The following NAXD variants were observed in gnomAD, a reference collection of about 807,000 sequenced individuals.
The protein encoded by NAXD is ATP-dependent (S)-NAD(P)H-hydrate dehydratase.
In NAXD, 22 loss-of-function variants were observed where a neutral mutation model predicts 35.8. The ratio of observed to expected loss-of-function variants is 0.62; its 90% CI spans 0.44 to 0.88. The LOEUF (loss-of-function observed/expected upper bound fraction) is 0.88, where lower values mean the gene tolerates loss of function less well. Ranked by LOEUF, NAXD falls within the 40% of genes least tolerant of loss-of-function variation. NAXD has a pLI of 0.00. For missense variants in NAXD, 428 were observed against 437.7 expected (o/e 0.98, Z 0.20); for synonymous variants, 189 against 177.6 (o/e 1.06, Z -0.51).
chr13:110,637,259 C>T lies in NAXD; in HGVS notation c.839+10C>T, dbSNP rs764265790. ...CACAGAAAACAAATGGGTAAGGCCA[C>T]GTCTTCATTTATTCTACTTTGAAAC... On this transcript the variant is annotated intron_variant, in intron 9 of 9. Transcript: ENST00000680254. The T allele has an allele frequency of 1.9e-5, 30 of 1,613,568 alleles. No individual in the cohort carries two copies. Among genetic ancestry groups the T allele is most frequent in the South Asian group, 1.1e-4 (10 of 91,030 alleles).
chr13:110,626,945 A>G (rs1169651380), intron 4 of NAXD, among the ~76,000 whole-genome samples: 1 of 152,372 alleles, frequency 6.6e-6, no homozygotes, highest in East Asian at 1.9e-4. Context: ...ACAGCCACAC[A>G]TGTATGTGAT....
chr13:110,620,077 C>T (rs1486878197), intron 1 of NAXD, among the ~76,000 whole-genome samples: 4 of 151,796 alleles, frequency 2.6e-5, no homozygotes, highest in African/African-American at 4.8e-5. Flanking sequence ...GAGATTACAG[C>T]GGGGAGCCAC....
At chr13:110,637,873 A>C (rs9588214) in intron 9 of NAXD, 19 of 480,206 alleles carry the variant, frequency 4.0e-5, no homozygotes, top group Non-Finnish European at 6.6e-5. Flanking sequence ...GTCTGGGACC[A>C]TCCCCCAAAC....
chr13:110,621,936 A>G (rs1233266597), intron 1 of NAXD, among the ~76,000 whole-genome samples: 1 of 152,012 alleles, frequency 6.6e-6, no homozygotes, highest in Non-Finnish European at 1.5e-5. Context: ...AGGCTGAGGC[A>G]GGAGAATTGC....
intron 1 of NAXD, among the ~76,000 whole-genome samples, chr13:110,617,762 T>A (rs1886114843): frequency 6.6e-6 from 1 of 152,252 alleles, no homozygotes; most frequent in African/African-American, 2.4e-5. Flanking sequence ...GTGGCCTGGC[T>A]TGTCCATTAC....
chr13:110,626,009 C>G (rs1016182271), intron 4 of NAXD, among the ~76,000 whole-genome samples: 5 of 152,122 alleles, frequency 3.3e-5, no homozygotes, highest in Admixed American at 6.6e-5. Flanking sequence ...CGAGCCCGGC[C>G]TCTCCACACC....
intron 4 of NAXD, among the ~76,000 whole-genome samples, chr13:110,627,182 G>T (rs541278260): frequency 6.6e-6 from 1 of 152,186 alleles, no homozygotes; most frequent in Non-Finnish European, 1.5e-5. Context: ...GTGGTTTAAT[G>T]AATAGTATTA....
chr13:110,635,690 TCA>T, intron 8 of NAXD, 102 bp downstream of exon 8: 5 of 1,241,066 alleles, frequency 4.0e-6, no homozygotes, highest in South Asian at 1.4e-5. Context: ...ACACCCGTGT[TCA>T]CACACATTCA....
chr13:110,638,538 G>A lies in NAXD; in HGVS notation c.*10G>A. ...GCTCTTTGAAACCTGAGCCCGCGCA[G>A]ACCAGAAGTAAACAGGCACCTTGGA... On this transcript the variant is annotated 3_prime_UTR_variant, in exon 10 of 10. Transcript: ENST00000680254. This position sits in a 1 kb window ranked among gnomAD's most constrained non-coding sequence, Gnocchi z 5.4. 1.9e-6 allele frequency: 3 copies of A among 1,611,302 alleles called. No individual in the cohort carries two copies. Among genetic ancestry groups the A allele is most frequent in the Non-Finnish European group, 2.5e-6 (3 of 1,178,790 alleles).
chr13:110,620,460 G>A (rs186080240), intron 1 of NAXD, among the ~76,000 whole-genome samples: 1 of 151,314 alleles, frequency 6.6e-6, no homozygotes, highest in East Asian at 2.0e-4. Context: ...TGCGCCTGTA[G>A]TCCCAGCTAC....
At chr13:110,635,397 G>A in intron 7 of NAXD, 71 bp from the exon 8 acceptor site, 1 of 1,559,136 alleles carries the variant, frequency 6.4e-7, no homozygotes, top group South Asian at 1.2e-5. Context: ...ATGGCGGATG[G>A]GACAGGGCTA....
At chr13:110,619,418 G>A (rs571875090) in intron 1 of NAXD, among the ~76,000 whole-genome samples, 49 of 152,208 alleles carry the variant, frequency 3.2e-4, no homozygotes, top group South Asian at 6.2e-4. Flanking sequence ...TTACCATTTA[G>A]GAGTTGTTTT....
At chr13:110,631,571 A>G (rs1336358092) in intron 5 of NAXD, among the ~76,000 whole-genome samples, 2 of 152,214 alleles carry the variant, frequency 1.3e-5, no homozygotes, top group African/African-American at 4.8e-5. Flanking sequence ...TTGAATATTC[A>G]CTTTTGAGTA....
At chr13:110,621,476 A>G in intron 1 of NAXD, among the ~76,000 whole-genome samples, 1 of 152,036 alleles carries the variant, frequency 6.6e-6, no homozygotes, top group East Asian at 1.9e-4. Context: ...CGGGCAGATC[A>G]CTTGAGGTAA....
chr13:110,619,069 C>A lies in NAXD; in HGVS notation c.47-3147C>A, dbSNP rs115107078. Among the ~76,000 whole-genome samples, 1,023 of 152,324 alleles carry A rather than the reference C, an allele frequency of 6.7e-3. 18 individuals carry two copies. The highest frequency in any genetic ancestry group is 0.024 in the African/African-American group (980 of 41,574). ...GCAGAGGGGCATTGGTGCTCCCCTCCACCTGACAGGTGCTCCACCTGGACT... is the reference window on the plus strand; with the variant it reads ...GCAGAGGGGCATTGGTGCTCCCCTCAACCTGACAGGTGCTCCACCTGGACT... On this transcript the variant is annotated intron_variant, in intron 1 of 9. Transcript: ENST00000680254.
chr13:110,625,218 C>A lies in NAXD; in HGVS notation c.272C>A (p.Ala91Asp). 1 of 1,613,794 alleles carries A rather than the reference C, an allele frequency of 6.2e-7. No individual in the cohort carries two copies. The change falls in exon 4 of 10, where the codon GCC becomes GAC. Residue 91 changes from alanine (A) to aspartate (D), a missense_variant. Transcript: ENST00000680254. The part of the protein sequence containing the change: ...VGADLSHVFC[A>D]SAAAPVIKAY... The stretch of plus-strand genomic sequence containing the variant: ...GCAGACTTGTCCCACGTGTTCTGTG[C>A]CAGTGCGGCCGCACCTGTGATTAAG...
At chr13:110,618,917 G>C (rs548777232) in intron 1 of NAXD, among the ~76,000 whole-genome samples, 1 of 152,210 alleles carries the variant, frequency 6.6e-6, no homozygotes. Context: ...AAGCTTTTCC[G>C]CTCTGGGGAG....
intron 4 of NAXD, among the ~76,000 whole-genome samples, chr13:110,626,108 G>A (rs185054254): frequency 2.0e-3 from 309 of 152,210 alleles, no homozygotes; most frequent in Non-Finnish European, 3.5e-3. Flanking sequence ...AGGGTGTGGG[G>A]CTGCTGTCAG....
chr13:110,633,938 C>G (rs185060028), intron 5 of NAXD, among the ~76,000 whole-genome samples: 61 of 152,276 alleles, frequency 4.0e-4, no homozygotes, highest in African/African-American at 1.4e-3. Flanking sequence ...CCGAATGCTG[C>G]GTATTAGTAT....
Sources: allele counts gnomAD v4.1 joint callset (sites outside exome capture counted in the v4.1 genomes callset), GRCh38; gene constraint gnomAD v4.1.1; non-coding constraint Gnocchi (gnomAD v3.1); transcripts MANE v1.5; gene names NCBI Gene and HGNC (gene_info 2026-07-23, HGNC 2026-07-21).